Variants in ANKRD46 observed in about 807,000 individuals in gnomAD.
ANKRD46 encodes ankyrin repeat domain 46.
A neutral mutation model predicts 19.8 loss-of-function variants in ANKRD46; 13 were observed. The ratio of observed to expected loss-of-function variants is 0.66; its 90% CI spans 0.43 to 1.04. The LOEUF (loss-of-function observed/expected upper bound fraction) is 1.04. ANKRD46 is among the 50% of genes least tolerant of loss of function. The pLI, the probability that ANKRD46 is intolerant of heterozygous loss-of-function variation, is 0.00. For missense variants in ANKRD46, 185 were observed against 274.8 expected (o/e 0.67, Z 2.31); for synonymous variants, 91 against 106.9 (o/e 0.85, Z 0.92).
rs1023845101 is a variant in ANKRD46, at chr8:100,525,393, T to C, written c.470+2452A>G. Among the ~76,000 whole-genome samples, 1 of 152,190 alleles carries C rather than the reference T, an allele frequency of 6.6e-6. No individual in the cohort carries two copies. Among genetic ancestry groups the C allele is most frequent in the Non-Finnish European group, 1.5e-5 (1 of 68,020 alleles). On this transcript the variant is annotated intron_variant, in intron 4 of 4. Coordinates refer to ENST00000335659, the MANE Select transcript of ANKRD46 (RefSeq NM_001270377.2). The surrounding 1 kb of genome is among the most constrained non-coding windows in gnomAD (Gnocchi z 4.4). ...ACCTCTATAAGAAACTCTGTACCTA[T>C]TAGCAGTCACTCCCATTGCCCCTTC...
At position 100,511,881 on chromosome 8, in the gene ANKRD46, T is replaced by G. The variant is rs1272166294; in HGVS notation, c.637-1242A>C. Among the ~76,000 whole-genome samples, 1 of 152,056 alleles carries G rather than the reference T, an allele frequency of 6.6e-6. No homozygotes were observed. Among genetic ancestry groups the G allele is most frequent in the African/African-American group, 2.4e-5 (1 of 41,408 alleles). On this transcript the variant is annotated intron_variant, in intron 5 of 5. Transcript: ENST00000520552. The surrounding 1 kb of genome is among the most constrained non-coding windows in gnomAD (Gnocchi z 4.1). Reference sequence around the variant, plus strand: ...CTCTACTAAAAATACAAAAATTAGCTGGGTGGGGTGGTGCATGCCTGTAAC... The same window carrying G: ...CTCTACTAAAAATACAAAAATTAGCGGGGTGGGGTGGTGCATGCCTGTAAC...
At chr8:100,533,612 ACT>A (rs1297001416) in intron 1 of ANKRD46, among the ~76,000 whole-genome samples, 2 of 152,158 alleles carry the variant, frequency 1.3e-5, no homozygotes, top group Non-Finnish European at 2.9e-5. Flanking sequence ...CCGAAAATTC[ACT>A]CTCAGTCATT....
chr8:100,556,416 C>T (rs1330761882), intron 1 of ANKRD46, among the ~76,000 whole-genome samples: 2 of 152,168 alleles, frequency 1.3e-5, no homozygotes, highest in African/African-American at 4.8e-5. Context: ...TTATGATCAG[C>T]AGTAGGATAG....
chr8:100,518,181 ACT>A (rs772559187), downstream of ANKRD46, among the ~76,000 whole-genome samples: 18 of 152,146 alleles, frequency 1.2e-4, no homozygotes, highest in Non-Finnish European at 2.2e-4. Flanking sequence ...AAAGAGTGAG[ACT>A]CTGTCTTAAA....
In ANKRD46 at chr8:100,544,651, C is replaced by G. The variant is rs1031441064; in HGVS notation, c.-130-11340G>C. Among the ~76,000 whole-genome samples, 3 of 152,170 alleles carry G rather than the reference C, an allele frequency of 2.0e-5. No individual in the cohort carries two copies. ...CCTAACTCGGCCATTTTCTAAGGCACTATCTTGAGTAGTCCAACTCTAAGA... is the reference window on the plus strand; with the variant it reads ...CCTAACTCGGCCATTTTCTAAGGCAGTATCTTGAGTAGTCCAACTCTAAGA... On this transcript the variant is annotated intron_variant, in intron 1 of 4. Transcript: ENST00000335659. This position sits in a 1 kb window ranked among gnomAD's most constrained non-coding sequence, Gnocchi z 4.4.
At chr8:100,515,228 T>C (rs897715095) in intron 5 of ANKRD46, among the ~76,000 whole-genome samples, 1 of 152,204 alleles carries the variant, frequency 6.6e-6, no homozygotes, top group African/African-American at 2.4e-5. Context: ...AGCTTGAATA[T>C]ATAATTGCTT....
chr8:100,515,749 T>A (rs1395516334), intron 5 of ANKRD46, among the ~76,000 whole-genome samples: 1 of 152,096 alleles, frequency 6.6e-6, no homozygotes, highest in African/African-American at 2.4e-5. Flanking sequence ...AAATAATGGT[T>A]CTGCTCCTTT....
intron 1 of ANKRD46, among the ~76,000 whole-genome samples, chr8:100,539,458 CT>C (rs1427573021): frequency 6.6e-6 from 1 of 152,166 alleles, no homozygotes; most frequent in African/African-American, 2.4e-5. Context: ...GCAGAATCTT[CT>C]GAATTTTATT....
Position 100,550,361 on chromosome 8 carries a change from T to C in ANKRD46, c.-131+9350A>G, listed in dbSNP as rs1586802274. The stretch of plus-strand genomic sequence containing the variant: ...CGTTCTAGATTTTAGTTAGCCATTT[T>C]AGTAAGTGTGTAGTGGGATCTCATT... On this transcript the variant is annotated intron_variant, in intron 1 of 4. Transcript: ENST00000335659. The surrounding 1 kb of genome is among the most constrained non-coding windows in gnomAD (Gnocchi z 4.4). Among the ~76,000 whole-genome samples the C allele has an allele frequency of 6.6e-6, 1 of 152,330 alleles. No individual in the cohort carries two copies. Among genetic ancestry groups the C allele is most frequent in the Middle Eastern group, 3.4e-3 (1 of 294 alleles).
Position 100,521,039 on chromosome 8 carries a change from A to G in ANKRD46, c.*1516T>C. On this transcript the variant is annotated 3_prime_UTR_variant, in exon 5 of 5. Transcript: ENST00000335659. ...TTTTGCTGGATTTACACCAACTATG[A>G]TTTACTTTGTTTGTATCTAACCTAA... The G allele has an allele frequency of 1.0e-6, 1 of 985,178 alleles. No individual in the cohort carries two copies. Among genetic ancestry groups the G allele is most frequent in the Non-Finnish European group, 1.2e-6 (1 of 829,908 alleles). The allele number at this position is 985,178 out of a possible 1,614,324, so 61.0% of individuals were successfully genotyped here. A position where few individuals can be genotyped will look rare whatever the true frequency, so the allele number is the denominator to read the frequency against.
chr8:100,521,814 C>A lies in ANKRD46; in HGVS notation c.*741G>T. ...GACTGTAATTCTGATGAACTGTTAT[C>A]TTTGATGACTAGGATACTCGGGAAA... On this transcript the variant is annotated 3_prime_UTR_variant, in exon 5 of 5. Coordinates refer to ENST00000335659, the MANE Select transcript of ANKRD46 (RefSeq NM_001270377.2). 1.0e-6 allele frequency: 1 copy of A among 985,254 alleles called. No individual in the cohort carries two copies. The highest frequency in any genetic ancestry group is 1.2e-6 in the Non-Finnish European group (1 of 829,816). The allele number at this position is 985,254 out of a possible 1,614,324, so 61.0% of individuals were successfully genotyped here.
intron 3 of ANKRD46, among the ~76,000 whole-genome samples, chr8:100,528,416 C>A (rs1811886746): frequency 2.0e-5 from 3 of 151,732 alleles, no homozygotes; most frequent in Non-Finnish European, 4.4e-5. Context: ...GAACAAATCA[C>A]CAAGGGGAAA....
chr8:100,547,863 G>A (rs936021270), intron 1 of ANKRD46, among the ~76,000 whole-genome samples: 2 of 152,026 alleles, frequency 1.3e-5, no homozygotes, highest in Non-Finnish European at 1.5e-5. Flanking sequence ...GTGCCCTAAC[G>A]AACAATTTTA....
At chr8:100,515,004 G>A (rs1374475886) in intron 5 of ANKRD46, among the ~76,000 whole-genome samples, 2 of 152,110 alleles carry the variant, frequency 1.3e-5, no homozygotes, top group Non-Finnish European at 2.9e-5. Context: ...ATGTGGAAAA[G>A]GATACAGAGA....
rs1205660837 is a variant in ANKRD46 at position 100,550,084 on chromosome 8, G to T, written c.-131+9627C>A. Among the ~76,000 whole-genome samples, 1 of 152,146 alleles carries T rather than the reference G, an allele frequency of 6.6e-6. No individual in the cohort carries two copies. Among genetic ancestry groups the T allele is most frequent in the African/African-American group, 2.4e-5 (1 of 41,418 alleles). The stretch of plus-strand genomic sequence containing the variant: ...CTGTTCACCTACTGAAGGACATCTT[G>T]GTTGCTTCCATGTTCTGGCAATTAT... On this transcript the variant is annotated intron_variant, in intron 1 of 4. Coordinates refer to ENST00000335659, the MANE Select transcript of ANKRD46 (RefSeq NM_001270377.2). The surrounding 1 kb of genome is among the most constrained non-coding windows in gnomAD (Gnocchi z 4.4).
chr8:100,540,681 TA>T (rs904865318), intron 1 of ANKRD46, among the ~76,000 whole-genome samples: 4 of 152,254 alleles, frequency 2.6e-5, no homozygotes, highest in African/African-American at 9.6e-5. Flanking sequence ...TTTGCATTAT[TA>T]AAGTTTAGTT....
chr8:100,515,209 C>T (rs944515996), intron 5 of ANKRD46, among the ~76,000 whole-genome samples: 17 of 152,052 alleles, frequency 1.1e-4, no homozygotes, highest in African/African-American at 2.2e-4. Context: ...AAGTATGCAG[C>T]GGACAATGAG....
At chr8:100,514,668 C>T (rs973072825) in intron 5 of ANKRD46, among the ~76,000 whole-genome samples, 1 of 132,482 alleles carries the variant, frequency 7.5e-6, no homozygotes, top group African/African-American at 3.0e-5. Flanking sequence ...GTCACCCAGG[C>T]TGGAGTGCAG....
intron 1 of ANKRD46, among the ~76,000 whole-genome samples, chr8:100,552,105 G>A (rs1171152144): frequency 4.1e-5 from 6 of 147,596 alleles, no homozygotes; most frequent in Non-Finnish European, 5.9e-5. Flanking sequence ...AGCCAAGATC[G>A]CGCCACTGCA....
Sources: allele counts gnomAD v4.1 joint callset (sites outside exome capture counted in the v4.1 genomes callset), GRCh38; gene constraint gnomAD v4.1.1; non-coding constraint Gnocchi (gnomAD v3.1); transcripts MANE v1.5; gene names NCBI Gene and HGNC (gene_info 2026-07-23, HGNC 2026-07-21).